Variants in DSCAML1 observed in about 807,000 individuals in gnomAD.
The protein encoded by DSCAML1 is cell adhesion molecule DSCAML1.
In DSCAML1, 38 loss-of-function variants were observed where a neutral mutation model predicts 200.5. The observed-to-expected ratio is 0.19, with a 90% confidence interval of 0.15 to 0.25. The LOEUF (loss-of-function observed/expected upper bound fraction) is 0.25, where lower values mean the gene tolerates loss of function less well. Ranked by LOEUF, DSCAML1 falls within the 10% of genes least tolerant of loss-of-function variation. The pLI is 1.00. For missense variants in DSCAML1, 2,223 were observed against 2,858.8 expected, an observed-to-expected ratio of 0.78 and a Z score of 5.07; for synonymous variants, 1,215 against 1,165.0, an observed-to-expected ratio of 1.04 and a Z score of -0.87.
At chr11:117,507,111 T>G (rs2049515775) in intron 8 of DSCAML1, among the ~76,000 whole-genome samples, 1 of 149,718 alleles carries the variant, frequency 6.7e-6, no homozygotes, top group Admixed American at 6.6e-5. Flanking sequence ...AGCCATTATC[T>G]TTATGATAAC....
chr11:117,716,709 T>TG (rs1284365767), intron 3 of DSCAML1, among the ~76,000 whole-genome samples: 1 of 152,116 alleles, frequency 6.6e-6, no homozygotes, highest in Non-Finnish European at 1.5e-5. Flanking sequence ...TTGAAATGGT[T>TG]GGGGGGAAAA....
chr11:117,786,099 C>G (rs1396497320), intron 1 of DSCAML1, among the ~76,000 whole-genome samples: 1 of 152,196 alleles, frequency 6.6e-6, no homozygotes, highest in Non-Finnish European at 1.5e-5. Flanking sequence ...CCCCGCAGCT[C>G]TTTCTTCCCT....
intron 3 of DSCAML1, among the ~76,000 whole-genome samples, chr11:117,772,157 C>T (rs1406113039): frequency 3.3e-5 from 5 of 152,026 alleles, no homozygotes; most frequent in Admixed American, 2.6e-4. Flanking sequence ...GCCACTGTAC[C>T]CCAGGCAGAA....
At chr11:117,603,406 GATCTTTGCTCC>G (rs2051503931) in intron 3 of DSCAML1, among the ~76,000 whole-genome samples, 1 of 152,188 alleles carries the variant, frequency 6.6e-6, no homozygotes, top group Admixed American at 6.5e-5. Context: ...GGCTTATTTG[GATCTTTGCTCC>G]GTCATCTGCT....
intron 3 of DSCAML1, among the ~76,000 whole-genome samples, chr11:117,770,426 C>A (rs2055016434): frequency 6.6e-6 from 1 of 152,134 alleles, no homozygotes; most frequent in African/African-American, 2.4e-5. Context: ...ACAAGAGGAA[C>A]ACACAGAAGC....
At chr11:117,467,763 GCACA>G (rs1022491977) in intron 16 of DSCAML1, among the ~76,000 whole-genome samples, 1 of 151,944 alleles carries the variant, frequency 6.6e-6, no homozygotes, top group Non-Finnish European at 1.5e-5. Context: ...GTATGTCTAT[GCACA>G]CACACATACA....
At chr11:117,608,805 T>C (rs986566222) in intron 3 of DSCAML1, among the ~76,000 whole-genome samples, 10 of 152,196 alleles carry the variant, frequency 6.6e-5, no homozygotes, top group African/African-American at 2.4e-4. Context: ...CATAAATCGG[T>C]ACCACTCTTT....
intron 3 of DSCAML1, among the ~76,000 whole-genome samples, chr11:117,771,970 GCAGA>G (rs1213371544): frequency 6.6e-6 from 1 of 152,106 alleles, no homozygotes; most frequent in East Asian, 1.9e-4. Context: ...CCCTCCTGCG[GCAGA>G]CAGATAGAAA....
intron 1 of DSCAML1, among the ~76,000 whole-genome samples, chr11:117,806,736 G>GAC (rs1281464717): frequency 2.3e-4 from 35 of 152,186 alleles, no homozygotes; most frequent in African/African-American, 8.4e-4. Context: ...ATCATTCTAT[G>GAC]TATTGACTTT....
At chr11:117,817,076 A>G (rs1234682238) in intron 1 of DSCAML1, among the ~76,000 whole-genome samples, 1 of 152,168 alleles carries the variant, frequency 6.6e-6, no homozygotes, top group Non-Finnish European at 1.5e-5. Flanking sequence ...ACCCTTTAGC[A>G]AGGGATAGGT....
At chr11:117,439,048 C>A in intron 23 of DSCAML1, 65 bp from the exon 24 acceptor site, 1 of 1,475,636 alleles carries the variant, frequency 6.8e-7, no homozygotes, top group Middle Eastern at 1.8e-4. Context: ...GTGGGGAGTC[C>A]CCCCGTGACG....
At chr11:117,534,327 G>A (rs1379211086) in intron 3 of DSCAML1, among the ~76,000 whole-genome samples, 2 of 152,228 alleles carry the variant, frequency 1.3e-5, no homozygotes, top group Non-Finnish European at 1.5e-5. Context: ...CTGAGTGCAC[G>A]ACGATATCTT....
At chr11:117,646,785 C>T (rs2052530119) in intron 3 of DSCAML1, among the ~76,000 whole-genome samples, 1 of 151,818 alleles carries the variant, frequency 6.6e-6, no homozygotes, top group African/African-American at 2.4e-5. Context: ...TAAACCTTCA[C>T]CAGCAGGCCA....
chr11:117,670,435 G>A (rs143572027), intron 3 of DSCAML1, among the ~76,000 whole-genome samples: 155 of 152,212 alleles, frequency 1.0e-3, no homozygotes, highest in African/African-American at 3.6e-3. Flanking sequence ...GGCAGGAGGC[G>A]AGCAGCAAGT....
At chr11:117,797,406 G>C, upstream of DSCAML1, 1 of 638,506 alleles carries the variant, frequency 1.6e-6, no homozygotes, top group Non-Finnish European at 2.3e-6. Context: ...GCCCCGACCC[G>C]GCTCCGCTGT....
At chr11:117,467,555 A>G (rs1383372554) in intron 16 of DSCAML1, among the ~76,000 whole-genome samples, 25 of 152,176 alleles carry the variant, frequency 1.6e-4, no homozygotes, top group Admixed American at 1.6e-3. Context: ...TGCATTTTTA[A>G]GCTCACTGTT....
chr11:117,487,546 A>G (rs1032080392), intron 11 of DSCAML1, among the ~76,000 whole-genome samples: 2 of 152,202 alleles, frequency 1.3e-5, no homozygotes, highest in African/African-American at 4.8e-5. Flanking sequence ...ACACACAGCG[A>G]TGCTGTGAAG....
Position 117,492,621 on chromosome 11 carries a change from C to T in DSCAML1, c.2360-10459G>A, listed in dbSNP as rs573404235. Among the ~76,000 whole-genome samples the T allele has an allele frequency of 1.8e-3, 272 of 152,206 alleles. 1 individual carries two copies. The highest frequency in any genetic ancestry group is 3.0e-3 in the Non-Finnish European group (207 of 67,998). ...CCCTTCTCCCCCAAAAGCCTTGTGT[C>T]GCTGCTCCTTGTTAACAAGTTCCCG... is the stretch of plus-strand genomic sequence containing the variant. On this transcript the variant is annotated intron_variant, in intron 11 of 32. Coordinates refer to ENST00000651296, the MANE Select transcript of DSCAML1 (RefSeq NM_020693.4).
intron 19 of DSCAML1, among the ~76,000 whole-genome samples, chr11:117,451,670 C>G (rs1276018405): frequency 6.6e-6 from 1 of 152,046 alleles, no homozygotes; most frequent in East Asian, 1.9e-4. Context: ...CAAAAATTAG[C>G]CAGGCATGGT....
Sources: gnomAD v4.1 joint callset for allele counts (sites outside exome capture counted in the v4.1 genomes callset) on GRCh38, gnomAD v4.1.1 for gene constraint, MANE v1.5 for transcripts, NCBI Gene and HGNC (gene_info 2026-07-23, HGNC 2026-07-21) for gene names.